CPA3: variants seen among roughly 807,000 people sequenced by gnomAD.
CPA3 encodes mast cell carboxypeptidase A.
A neutral mutation model predicts 55.8 loss-of-function variants in CPA3; 52 were observed. That is an observed-to-expected ratio of 0.93 (90% CI 0.75 to 1.17). The LOEUF (loss-of-function observed/expected upper bound fraction) is 1.17. Among genes scored for constraint, CPA3 ranks in the 50% most tolerant of loss-of-function variants. The pLI is 0.00. For missense variants in CPA3, 547 were observed against 509.1 expected (o/e 1.07, Z -0.72); for synonymous variants, 179 against 171.2 (o/e 1.05, Z -0.36).
chr3:148,885,509 C>G (rs931759492), intron 9 of CPA3, among the ~76,000 whole-genome samples: 1 of 142,158 alleles, frequency 7.0e-6, no homozygotes, highest in South Asian at 2.3e-4. Context: ...CTCCCTGGTT[C>G]AAGCGATTCT....
chr3:148,881,527 C>A lies in CPA3; in HGVS notation c.582C>A (p.Thr194=), dbSNP rs1203205424. The A allele has an allele frequency of 1.2e-6, 2 of 1,609,266 alleles. No homozygotes were observed. The highest frequency in any genetic ancestry group is 1.1e-5 in the South Asian group (1 of 90,442). ...TTTTTTTTCACCTCCGACAGGCAAC[C>A]AAAACTTATGGGAGAAACAAAATTA... ...AFCQWFVYQA[T]KTYGRNKIMT... is the part of the protein sequence containing the mutation. The change falls in exon 7 of 11, where the codon ACC becomes ACA. Residue 194 remains threonine, a synonymous_variant. Coordinates refer to ENST00000296046, the MANE Select transcript of CPA3 (RefSeq NM_001870.4).
chr3:148,867,468 A>G (rs549507142), intron 2 of CPA3, among the ~76,000 whole-genome samples: 100 of 152,328 alleles, frequency 6.6e-4, no homozygotes, highest in Non-Finnish European at 1.2e-3. Context: ...TAGTCTCTAC[A>G]ACTGTGGCAC....
chr3:148,883,733 A>G lies in CPA3; in HGVS notation c.899A>G (p.Tyr300Cys). The change falls in exon 9 of 11, where the codon TAC (tyrosine) becomes TGC (cysteine). Residue 300 changes from tyrosine to cysteine, a missense_variant. Coordinates refer to ENST00000296046, the MANE Select transcript of CPA3 (RefSeq NM_001870.4). ...IRSHLNEIKV[Y>C]ITFHSYSQML... ...AGCCACCTGAATGAAATCAAGGTTTACATCACCTTCCATTCCTACTCCCAG... is the reference window on the plus strand; with the variant it reads ...AGCCACCTGAATGAAATCAAGGTTTGCATCACCTTCCATTCCTACTCCCAG... 6.2e-7 allele frequency: 1 copy of G among 1,614,088 alleles called. No homozygotes were observed. The highest frequency in any genetic ancestry group is 8.5e-7 in the Non-Finnish European group (1 of 1,179,934).
intron 10 of CPA3, among the ~76,000 whole-genome samples, chr3:148,893,201 G>T (rs962478202): frequency 6.6e-6 from 1 of 151,636 alleles, no homozygotes; most frequent in Non-Finnish European, 1.5e-5. Flanking sequence ...TGAGATGATT[G>T]CAGTTTCAAA....
intron 10 of CPA3, 78 bp downstream of exon 10, chr3:148,886,255 C>A: frequency 9.7e-7 from 1 of 1,028,532 alleles, no homozygotes; most frequent in South Asian, 1.5e-5. Flanking sequence ...ATGGAATTTG[C>A]AATTTAGGTT....
rs80099785 is a variant in CPA3 at position 148,885,854 on chromosome 3, T to G, written c.982-239T>G. Among the ~76,000 whole-genome samples the G allele has an allele frequency of 0.04, 6,070 of 152,246 alleles. 413 individuals carry two copies. Among genetic ancestry groups the G allele is most frequent in the African/African-American group, 0.14 (5,759 of 41,510 alleles). On this transcript the variant is annotated intron_variant, in intron 9 of 10. Transcript: ENST00000296046. ...TTACATATTTACATATATATATGTA[T>G]GGGCTTTGGTTTTGTTAAAACCAGG...
intron 3 of CPA3, among the ~76,000 whole-genome samples, chr3:148,874,121 A>G (rs1247462399): frequency 1.3e-5 from 2 of 152,198 alleles, no homozygotes; most frequent in African/African-American, 4.8e-5. Flanking sequence ...CCTATCAGCA[A>G]CAATCTGGCA....
Position 148,896,715 on chromosome 3 carries a change from C to T in CPA3, c.*8C>T, listed in dbSNP as rs1341852200. The T allele has an allele frequency of 1.0e-5, 15 of 1,494,352 alleles. No individual in the cohort carries two copies. The highest frequency in any genetic ancestry group is 1.4e-5 in the Non-Finnish European group (15 of 1,099,566). 92.6% of individuals were successfully genotyped at this position (1,494,352 alleles called of 1,614,324 possible). On this transcript the variant is annotated 3_prime_UTR_variant, in exon 11 of 11. Transcript: ENST00000296046. ...CTCAAGCATACTTCCTAAAGAACTG[C>T]CCTCTGTTTGGAATAAGCCAATTAA...
chr3:148,868,936 G>T lies in CPA3; in HGVS notation c.166G>T (p.Ala56Ser). The change falls in exon 3 of 11, where the codon GCC (alanine) becomes TCC (serine). Residue 56 changes from alanine to serine, a missense_variant. By Grantham distance (99) the Ala-to-Ser change is moderately conservative. Transcript: ENST00000296046. Reference sequence around the variant, plus strand: ...GCAGCTTGACTTCTGGTATCCAGGTGCCACCCACCACGTAGCTGCTAATAT... The same window carrying T: ...GCAGCTTGACTTCTGGTATCCAGGTTCCACCCACCACGTAGCTGCTAATAT... The part of the protein sequence containing the change: ...TNELDFWYPG[A>S]THHVAANMMV... The T allele has an allele frequency of 6.2e-7, 1 of 1,613,942 alleles. No homozygotes were observed. The highest frequency in any genetic ancestry group is 8.5e-7 in the Non-Finnish European group (1 of 1,179,972).
rs779547580 is a variant in CPA3 at position 148,883,672 on chromosome 3, G to T, written c.838G>T (p.Glu280Ter). Residue 280 changes from glutamate to a stop codon, truncating the protein, a stop_gained, in exon 9 of 11, where the codon GAG becomes TAG. Coordinates refer to ENST00000296046, the MANE Select transcript of CPA3 (RefSeq NM_001870.4). LOFTEE classifies it high-confidence loss of function. The part of the protein sequence containing the change: ...DNYRGSAPES[E>*]KETKAVTNFI... ...CTATCGGGGCTCTGCACCAGAGTCC[G>T]AGAAAGAGACGAAAGCTGTCACTAA... 3.9e-5 allele frequency: 63 copies of T among 1,613,958 alleles called. No homozygotes were observed. Among genetic ancestry groups the T allele is most frequent in the Non-Finnish European group, 5.3e-5 (63 of 1,179,978 alleles).
Position 148,865,334 on chromosome 3 carries a change from G to A in CPA3, c.27G>A (p.Leu9=). Reference sequence around the variant, plus strand: ...TGAGGCTCATCCTGCCTGTGGGTTTGATTGCTACCACTCTTGCAATTGCTC... The same window carrying A: ...TGAGGCTCATCCTGCCTGTGGGTTTAATTGCTACCACTCTTGCAATTGCTC... MRLILPVG[L]IATTLAIAPV... The change falls in exon 1 of 11, where the codon TTG becomes TTA. Residue 9 remains leucine, a synonymous_variant. Transcript: ENST00000296046. The A allele has an allele frequency of 3.1e-6, 5 of 1,614,138 alleles. No homozygotes were observed. The highest frequency in any genetic ancestry group is 4.2e-6 in the Non-Finnish European group (5 of 1,179,996).
chr3:148,896,230 T>C (rs888074229), intron 10 of CPA3, among the ~76,000 whole-genome samples: 17 of 152,186 alleles, frequency 1.1e-4, no homozygotes, highest in African/African-American at 4.1e-4. Flanking sequence ...TCTGGGTACT[T>C]GTCCTCAACA....
At chr3:148,870,651 TA>T (rs1176177180) in intron 3 of CPA3, among the ~76,000 whole-genome samples, 4 of 152,098 alleles carry the variant, frequency 2.6e-5, no homozygotes, top group Admixed American at 2.0e-4. Context: ...CCCTAGAACT[TA>T]AAGTATAAAA....
intron 6 of CPA3, among the ~76,000 whole-genome samples, chr3:148,880,486 C>T (rs1213852237): frequency 2.0e-5 from 3 of 152,036 alleles, no homozygotes; most frequent in Non-Finnish European, 2.9e-5. Context: ...CATGCGCCAC[C>T]ATGCCTGGCT....
chr3:148,874,352 C>T (rs1576580515), intron 3 of CPA3, among the ~76,000 whole-genome samples: 1 of 152,180 alleles, frequency 6.6e-6, no homozygotes, highest in East Asian at 1.9e-4. Context: ...TAAAATTTCT[C>T]TTCTGCCTGG....
At chr3:148,888,292 G>A (rs1714586021) in intron 10 of CPA3, among the ~76,000 whole-genome samples, 1 of 152,196 alleles carries the variant, frequency 6.6e-6, no homozygotes, top group African/African-American at 2.4e-5. Flanking sequence ...TTCTTTGGCA[G>A]AACTGGAAAA....
chr3:148,882,358 AT>A (rs1047775302), intron 7 of CPA3, 146 bp from the exon 8 acceptor site: 15 of 560,568 alleles, frequency 2.7e-5, no homozygotes, highest in South Asian at 2.2e-4. Context: ...AGAAAACAAT[AT>A]TTTTTTCTTT....
intron 8 of CPA3, 35 bp from the exon 9 acceptor site, chr3:148,883,578 C>T: frequency 6.5e-7 from 1 of 1,528,346 alleles, no homozygotes. Flanking sequence ...GGATGGGGAG[C>T]AGACTGTGGT....
chr3:148,882,857 G>A lies in CPA3; in HGVS notation c.778+262G>A, dbSNP rs147449316. Among the ~76,000 whole-genome samples the A allele has an allele frequency of 8.5e-4, 130 of 152,168 alleles. 3 individuals are homozygous for A. In the East Asian group the frequency reaches 0.022, roughly 26 times the overall value. On this transcript the variant is annotated intron_variant, in intron 8 of 10. Coordinates refer to ENST00000296046, the MANE Select transcript of CPA3 (RefSeq NM_001870.4). ...GCTAAAAATTAAGCACAATCCAAAT[G>A]TATAAAAATTCAGATAATCTGAATA...
Sources: gnomAD v4.1 joint callset for allele counts (sites outside exome capture counted in the v4.1 genomes callset) on GRCh38, gnomAD v4.1.1 for gene constraint, MANE v1.5 for transcripts, NCBI Gene and HGNC (gene_info 2026-07-23, HGNC 2026-07-21) for gene names.